The following CADM3 variants were observed in gnomAD, a reference collection of about 807,000 sequenced individuals.
CADM3 encodes the protein cell adhesion molecule 3.
A neutral mutation model predicts 44.9 loss-of-function variants in CADM3; 11 were observed. The ratio of observed to expected loss-of-function variants is 0.25; its 90% CI spans 0.15 to 0.41. The LOEUF is 0.41. CADM3 is among the 10% of genes least tolerant of loss of function. The probability of loss-of-function intolerance (pLI) is 1.00; values close to 1 mark genes in which losing one functional copy is unlikely to be tolerated. For missense variants in CADM3, 426 were observed against 512.0 expected (o/e 0.83, Z 1.62); for synonymous variants, 207 against 205.2 (o/e 1.01, Z -0.08).
At chr1:159,177,707 C>A (rs1649078995) in intron 1 of CADM3, among the ~76,000 whole-genome samples, 1 of 152,080 alleles carries the variant, frequency 6.6e-6, no homozygotes, top group Non-Finnish European at 1.5e-5. Context: ...TGATCAACTG[C>A]AGAAAGGGAA....
intron 1 of CADM3, among the ~76,000 whole-genome samples, chr1:159,172,073 G>C (rs1557926877): frequency 6.6e-6 from 1 of 152,194 alleles, no homozygotes; most frequent in Admixed American, 6.5e-5. Context: ...CACTGAGCGT[G>C]TGTCTGCGTG....
chr1:159,196,165 C>A lies in CADM3; in HGVS notation c.692-199C>A, dbSNP rs542566656. On this transcript the variant is annotated intron_variant, in intron 5 of 8. Transcript: ENST00000368125. Reference sequence around the variant, plus strand: ...ACAGACCTTCCAGAATCCTATCACACAAGGTTGCAAGAGAAGTTGCTCACA... The same window carrying A: ...ACAGACCTTCCAGAATCCTATCACAAAAGGTTGCAAGAGAAGTTGCTCACA... 5.4e-6 allele frequency: 3 copies of A among 553,666 alleles called. No homozygotes were observed. The South Asian group carries it at 6.4e-5, about 12-fold the overall frequency. 34.3% of individuals were successfully genotyped at this position (553,666 alleles called of 1,614,324 possible).
intron 5 of CADM3, chr1:159,196,027 T>TA (rs1269093639): frequency 1.0e-5 from 2 of 200,350 alleles, no homozygotes; most frequent in Admixed American, 5.7e-5. Context: ...ATTTGTTCTG[T>TA]AAAAAATATG....
chr1:159,194,165 A>G, intron 5 of CADM3, 125 bp downstream of exon 5: 3 of 1,057,678 alleles, frequency 2.8e-6, no homozygotes, highest in Non-Finnish European at 4.1e-6. Context: ...AAATGAAACA[A>G]AGACTGCCAG....
chr1:159,188,976 T>G (rs1453860552), intron 1 of CADM3, among the ~76,000 whole-genome samples: 1 of 152,144 alleles, frequency 6.6e-6, no homozygotes, highest in East Asian at 1.9e-4. Flanking sequence ...AAGGGGTTTG[T>G]TGTCCCAGAG....
intron 1 of CADM3, among the ~76,000 whole-genome samples, chr1:159,174,614 C>T (rs1010659988): frequency 2.6e-5 from 4 of 152,184 alleles, no homozygotes; most frequent in African/African-American, 9.7e-5. Flanking sequence ...ATTTTTTAAG[C>T]TTCATAAGGC....
At chr1:159,180,199 G>T (rs1020228303) in intron 1 of CADM3, among the ~76,000 whole-genome samples, 1 of 152,110 alleles carries the variant, frequency 6.6e-6, no homozygotes, top group African/African-American at 2.4e-5. Flanking sequence ...CTGGAAGTAA[G>T]GGGTTCTGAT....
intron 1 of CADM3, among the ~76,000 whole-genome samples, chr1:159,175,896 T>C: frequency 6.6e-6 from 1 of 152,256 alleles, no homozygotes; most frequent in East Asian, 1.9e-4. Context: ...GCCATTGCTC[T>C]GTAAATTCTT....
Position 159,200,924 on chromosome 1 carries a change from G to T in CADM3, c.*2G>T. 1.9e-6 allele frequency: 3 copies of T among 1,594,080 alleles called. No individual in the cohort carries two copies. The highest frequency in any genetic ancestry group is 2.6e-6 in the Non-Finnish European group (3 of 1,169,386). ...GACAAGAAGGAATATTTCATCTAGA[G>T]GCGCCTGCCCACTTCCTGCGCCCCC... On this transcript the variant is annotated 3_prime_UTR_variant, in exon 9 of 9. Coordinates refer to ENST00000368125, the MANE Select transcript of CADM3 (RefSeq NM_001127173.3).
chr1:159,200,710 A>G (rs1650147718), intron 8 of CADM3, 94 bp from the exon 9 acceptor site: 3 of 822,854 alleles, frequency 3.6e-6, no homozygotes, highest in African/African-American at 3.5e-5. Context: ...AAATTACTTG[A>G]GCAGTGTGTG....
In CADM3 at chr1:159,192,598, C is replaced by G. The variant is rs1164633315; in HGVS notation, c.250C>G (p.Gln84Glu). Reference sequence around the variant, plus strand: ...CCCAGCCCTTCGAGATAATCGAATTCAGCTGGTTACCTCTACGCCCCACGA... The same window carrying G: ...CCCAGCCCTTCGAGATAATCGAATTGAGCTGGTTACCTCTACGCCCCACGA... ...EKRALRDNRI[Q>E]LVTSTPHELS... The change falls in exon 3 of 9, where the codon CAG becomes GAG. Residue 84 changes from glutamine (Q) to glutamate (E), a missense_variant. By Grantham distance (29) the Gln-to-Glu change is conservative (BLOSUM62 2). Around this residue, in one of 2 missense-constraint regions of CADM3, gnomAD observed 362 missense variants for 474.6 expected, o/e 0.76. Transcript: ENST00000368125. 2.5e-6 allele frequency: 4 copies of G among 1,614,042 alleles called. No homozygotes were observed. The highest frequency in any genetic ancestry group is 3.4e-6 in the Non-Finnish European group (4 of 1,180,020).
At chr1:159,194,522 T>A (rs973126504) in intron 5 of CADM3, 1 of 153,210 alleles carries the variant, frequency 6.5e-6, no homozygotes, top group Non-Finnish European at 1.5e-5. Context: ...TTCAGAAGAT[T>A]ACTTTACCCC....
Position 159,196,932 on chromosome 1 carries a change from C to A in CADM3, c.824C>A (p.Pro275His). The change falls in exon 7 of 9, where the codon CCC becomes CAC. Residue 275 changes from proline to histidine, a missense_variant. Physicochemically the swap from Pro to His is moderately conservative, Grantham distance 77. Transcript: ENST00000368125. ...YLWEKEGSVP[P>H]LKMTQESALI... ...TGGGAGAAGGAGGGCAGTGTGCCAC[C>A]CCTGAAGATGACCCAGGAGAGTGCC... 1 of 1,614,074 alleles carries A rather than the reference C, an allele frequency of 6.2e-7. No homozygotes were observed.
At position 159,196,471 on chromosome 1, in the gene CADM3, C is replaced by T; in HGVS notation, c.782+17C>T. On this transcript the variant is annotated intron_variant, in intron 6 of 8. Transcript: ENST00000368125. ...CAATCCAGTGTAAGAAGATCCATTT[C>T]CTGGTCTCCTCCTTACTCTCCACAT... 1 of 1,602,028 alleles carries T rather than the reference C, an allele frequency of 6.2e-7. No individual in the cohort carries two copies. The highest frequency in any genetic ancestry group is 8.5e-7 in the Non-Finnish European group (1 of 1,169,650).
At chr1:159,181,953 T>G (rs978567319) in intron 1 of CADM3, among the ~76,000 whole-genome samples, 1 of 152,180 alleles carries the variant, frequency 6.6e-6, no homozygotes, top group African/African-American at 2.4e-5. Context: ...CATGTTCCTC[T>G]GCTTTTTTTC....
chr1:159,191,835 A>C, intron 1 of CADM3, 101 bp from the exon 2 acceptor site: 9 of 1,400,046 alleles, frequency 6.4e-6, no homozygotes, highest in Non-Finnish European at 8.9e-6. Context: ...TGTGTACACA[A>C]GGGCCTTGGA....
At chr1:159,174,651 C>G (rs764892295) in intron 1 of CADM3, among the ~76,000 whole-genome samples, 3 of 152,198 alleles carry the variant, frequency 2.0e-5, no homozygotes, top group Non-Finnish European at 2.9e-5. Flanking sequence ...GGGCAAGCAG[C>G]TGATAACTAA....
At position 159,201,911 on chromosome 1, in the gene CADM3, A is replaced by T. The variant is rs1199497016; in HGVS notation, c.*989A>T. 2 of 152,888 alleles carry T rather than the reference A, an allele frequency of 1.3e-5. No individual in the cohort carries two copies. The highest frequency in any genetic ancestry group is 4.8e-5 in the African/African-American group (2 of 41,346). The allele number at this position is 152,888 out of a possible 1,614,324, so 9.5% of individuals were successfully genotyped here. A position where few individuals can be genotyped will look rare whatever the true frequency, so the allele number is the denominator to read the frequency against. On this transcript the variant is annotated 3_prime_UTR_variant, in exon 9 of 9. Transcript: ENST00000368125. ...AGCAACTACTTCTCCCTTCCCGGCC[A>T]CCCTGTGCCCCCTTCCTGGTCCCAA... is the stretch of plus-strand genomic sequence containing the variant.
chr1:159,178,334 C>A (rs1649102866), intron 1 of CADM3: 1 of 152,200 alleles, frequency 6.6e-6, no homozygotes, highest in Non-Finnish European at 1.5e-5. Flanking sequence ...CTGAGCATGA[C>A]AACCAACTCT....
Sources: gnomAD v4.1 joint callset for allele counts (sites outside exome capture counted in the v4.1 genomes callset) on GRCh38, gnomAD v4.1.1 for gene constraint, gnomAD v4.1.1 regional missense constraint, MANE v1.5 for transcripts, NCBI Gene and HGNC (gene_info 2026-07-23, HGNC 2026-07-21) for gene names.